RPTOR: variants seen among roughly 807,000 people sequenced by gnomAD.
RPTOR encodes regulatory-associated protein of mTOR.
A neutral mutation model predicts 169.9 loss-of-function variants in RPTOR; 21 were observed. That is an observed-to-expected ratio of 0.12 (90% confidence interval 0.09 to 0.18). The LOEUF (loss-of-function observed/expected upper bound fraction) is 0.18, where lower values mean the gene tolerates loss of function less well. Ranked by LOEUF, RPTOR falls within the 10% of genes least tolerant of loss-of-function variation. RPTOR has a pLI of 1.00. For missense variants in RPTOR, 1,133 were observed against 1,855.9 expected (o/e 0.61, Z 7.16); for synonymous variants, 732 against 753.2 (o/e 0.97, Z 0.46).
intron 6 of RPTOR, among the ~76,000 whole-genome samples, chr17:80,760,474 G>A (rs1461465634): frequency 6.6e-6 from 1 of 151,748 alleles, no homozygotes; most frequent in Non-Finnish European, 1.5e-5. Flanking sequence ...GCTAATTTTT[G>A]TATTTTTAGT....
At chr17:80,606,873 C>A (rs2065233133) in intron 1 of RPTOR, among the ~76,000 whole-genome samples, 1 of 152,150 alleles carries the variant, frequency 6.6e-6, no homozygotes, top group Non-Finnish European at 1.5e-5. Context: ...ACAAGTCATA[C>A]CTCTTAGCAA....
Position 80,823,325 on chromosome 17 carries a change from A to C in RPTOR, c.1136+102A>C, listed in dbSNP as rs1163205149. 6.4e-6 allele frequency: 9 copies of C among 1,416,650 alleles called. No homozygotes were observed. 87.8% of individuals were successfully genotyped at this position (1,416,650 alleles called of 1,614,324 possible). ...GCTGGGCAGGGAGGCCCCACACCTA[A>C]CTTGGGGACCCCGTGTAGCATTAAC... On this transcript the variant is annotated intron_variant, in intron 9 of 33. Transcript: ENST00000306801. The surrounding 1 kb of genome is among the most constrained non-coding windows in gnomAD (Gnocchi z 4.5).
chr17:80,701,586 C>T (rs187688148), intron 3 of RPTOR, among the ~76,000 whole-genome samples: 125 of 152,284 alleles, frequency 8.2e-4, no homozygotes, highest in African/African-American at 2.9e-3. Context: ...TTTCACTAGA[C>T]CCCAGATGGG....
chr17:80,619,651 T>C (rs2065340290), intron 1 of RPTOR, among the ~76,000 whole-genome samples: 1 of 152,192 alleles, frequency 6.6e-6, no homozygotes, highest in African/African-American at 2.4e-5. Context: ...ACGCTTGGCC[T>C]GAGCTGGGGT....
At chr17:80,576,386 C>T (rs2064963571) in intron 1 of RPTOR, among the ~76,000 whole-genome samples, 3 of 152,204 alleles carry the variant, frequency 2.0e-5, no homozygotes, top group African/African-American at 4.8e-5. Flanking sequence ...AAAAGTACAA[C>T]GTCCGTCATG....
chr17:80,795,284 G>C (rs1287152293), intron 7 of RPTOR, among the ~76,000 whole-genome samples: 1 of 152,234 alleles, frequency 6.6e-6, no homozygotes, highest in Non-Finnish European at 1.5e-5. Flanking sequence ...AAATGGGATT[G>C]AGTGAGGATT....
At position 80,754,934 on chromosome 17, in the gene RPTOR, G is replaced by A. The variant is rs147134222; in HGVS notation, c.830+749G>A. ...TGCAGCAGACACCGTGCTGTCGGCCGAGGACACTCTTGAGGCTTCTGTCAA... is the reference window on the plus strand; with the variant it reads ...TGCAGCAGACACCGTGCTGTCGGCCAAGGACACTCTTGAGGCTTCTGTCAA... On this transcript the variant is annotated intron_variant, in intron 6 of 33. Transcript: ENST00000306801. The surrounding 1 kb of genome is among the most constrained non-coding windows in gnomAD (Gnocchi z 4.2). Among the ~76,000 whole-genome samples, 156 of 152,324 alleles carry A rather than the reference G, an allele frequency of 1.0e-3. No individual in the cohort carries two copies. Among genetic ancestry groups the A allele is most frequent in the African/African-American group, 3.7e-3 (152 of 41,568 alleles).
chr17:80,780,389 TG>T (rs1477543884), intron 6 of RPTOR, among the ~76,000 whole-genome samples: 1 of 152,060 alleles, frequency 6.6e-6, no homozygotes, highest in African/African-American at 2.4e-5. Flanking sequence ...CTTTACATAT[TG>T]GGTGCAGAAA....
intron 3 of RPTOR, among the ~76,000 whole-genome samples, chr17:80,664,263 C>T (rs1171850645): frequency 3.3e-5 from 5 of 152,148 alleles, no homozygotes; most frequent in South Asian, 2.1e-4. Flanking sequence ...ATTAAAAATA[C>T]GATTTCTTCT....
At chr17:80,763,766 C>T (rs2066758325) in intron 6 of RPTOR, among the ~76,000 whole-genome samples, 1 of 152,214 alleles carries the variant, frequency 6.6e-6, no homozygotes, top group Non-Finnish European at 1.5e-5. Flanking sequence ...TGGCAGACCA[C>T]ACGCAATGAA....
chr17:80,937,730 C>T (rs1360427888), intron 24 of RPTOR, among the ~76,000 whole-genome samples: 1 of 152,202 alleles, frequency 6.6e-6, no homozygotes, highest in Non-Finnish European at 1.5e-5. Flanking sequence ...GCGACAGAGC[C>T]GATGATGAAG....
intron 2 of RPTOR, among the ~76,000 whole-genome samples, chr17:80,638,181 G>A (rs2065523094): frequency 6.6e-6 from 1 of 152,194 alleles, no homozygotes; most frequent in Non-Finnish European, 1.5e-5. Context: ...GGCAGGCAGT[G>A]GGAGGCAAGA....
Position 80,730,763 on chromosome 17 carries a change from G to T in RPTOR, c.654+57G>T, listed in dbSNP as rs2066384618. 12 of 1,468,094 alleles carry T rather than the reference G, an allele frequency of 8.2e-6. No individual in the cohort carries two copies. The highest frequency in any genetic ancestry group is 2.4e-5 in the East Asian group (1 of 41,360). The allele number at this position is 1,468,094 out of a possible 1,614,324, so 90.9% of individuals were successfully genotyped here. On this transcript the variant is annotated intron_variant, in intron 5 of 33. Transcript: ENST00000306801. The surrounding 1 kb of genome is among the most constrained non-coding windows in gnomAD (Gnocchi z 4.2). ...GGGTTTGGTTTTGTTTTCCCTGGGGGTGGGGTTTGGGTGGGGAGGTTGGGA... is the reference window on the plus strand; with the variant it reads ...GGGTTTGGTTTTGTTTTCCCTGGGGTTGGGGTTTGGGTGGGGAGGTTGGGA...
intron 10 of RPTOR, among the ~76,000 whole-genome samples, chr17:80,840,341 TCA>T (rs2067615369): frequency 3.3e-5 from 5 of 149,766 alleles, no homozygotes; most frequent in African/African-American, 1.2e-4. Flanking sequence ...GCACGGCAGC[TCA>T]CACTCACCAC....
At chr17:80,703,539 T>C (rs2066118920) in intron 3 of RPTOR, among the ~76,000 whole-genome samples, 4 of 152,112 alleles carry the variant, frequency 2.6e-5, no homozygotes, top group Admixed American at 2.6e-4. Flanking sequence ...TTCCGCCTTG[T>C]GTGTGAGACC....
At chr17:80,745,351 G>A (rs1230442216) in intron 5 of RPTOR, among the ~76,000 whole-genome samples, 1 of 152,184 alleles carries the variant, frequency 6.6e-6, no homozygotes, top group Non-Finnish European at 1.5e-5. Context: ...AGCCTTGGAA[G>A]GGCAGGCTGG....
chr17:80,958,381 A>G (rs1444183232), intron 29 of RPTOR, among the ~76,000 whole-genome samples: 2 of 148,932 alleles, frequency 1.3e-5, no homozygotes, highest in Non-Finnish European at 3.0e-5. Flanking sequence ...GTGAGCCGCT[A>G]CAGAAGACAG....
chr17:80,577,644 C>G (rs2064976598), intron 1 of RPTOR, among the ~76,000 whole-genome samples: 1 of 152,158 alleles, frequency 6.6e-6, no homozygotes, highest in African/African-American at 2.4e-5. Context: ...ACAGTCTATA[C>G]TTTTCATCAA....
At chr17:80,623,783 G>T (rs377318718) in intron 1 of RPTOR, among the ~76,000 whole-genome samples, 1 of 152,136 alleles carries the variant, frequency 6.6e-6, no homozygotes, top group Admixed American at 6.5e-5. Context: ...TGATCTGCCC[G>T]CCTTGGCCTC....
Sources: gnomAD v4.1 joint callset for allele counts (sites outside exome capture counted in the v4.1 genomes callset) on GRCh38, gnomAD v4.1.1 for gene constraint, Gnocchi (gnomAD v3.1) non-coding constraint, MANE v1.5 for transcripts, NCBI Gene and HGNC (gene_info 2026-07-23, HGNC 2026-07-21) for gene names.